Variants in PIAS4 observed in about 807,000 individuals in gnomAD.
PIAS4 encodes the protein E3 SUMO-protein ligase PIAS4.
PIAS4 carries 7 observed loss-of-function variants against 58.0 expected under a neutral mutation model. The ratio of observed to expected loss-of-function variants is 0.12; its 90% CI spans 0.07 to 0.23. The LOEUF is 0.23. PIAS4 is among the 10% of genes least tolerant of loss of function. The pLI is 1.00. For synonymous variants in PIAS4, 364 were observed against 312.4 expected (o/e 1.17, Z -1.74); for missense variants, 550 against 709.5 (o/e 0.78, Z 2.55).
chr19:4,035,085 G>A (rs1283799358), intron 9 of PIAS4, among the ~76,000 whole-genome samples: 2 of 152,184 alleles, frequency 1.3e-5, no homozygotes, highest in Non-Finnish European at 2.9e-5. Context: ...AGGGAAGTGG[G>A]CAGGCAGGGC....
intron 2 of PIAS4, among the ~76,000 whole-genome samples, chr19:4,020,260 T>C (rs2040095871): frequency 6.6e-6 from 1 of 152,194 alleles, no homozygotes. Flanking sequence ...GTGCTGGTAG[T>C]TGAGGTGCGA....
rs73918112 is a variant in PIAS4, at chr19:4,031,620, G to C, written c.908-1480G>C. 1.6e-3 allele frequency among the ~76,000 whole-genome samples: 249 copies of C among 152,222 alleles called. 1 individual carries two copies. Among genetic ancestry groups the C allele is most frequent in the African/African-American group, 5.8e-3 (240 of 41,560 alleles). On this transcript the variant is annotated intron_variant, in intron 7 of 10. Transcript: ENST00000262971. ...CCGGGCAGGCCTCTTCTAGGCCCAC[G>C]GGGTGGGGGCCGGGCTTAACTCCTC...
At chr19:4,032,494 C>T (rs1259315932) in intron 7 of PIAS4, among the ~76,000 whole-genome samples, 1 of 152,198 alleles carries the variant, frequency 6.6e-6, no homozygotes, top group African/African-American at 2.4e-5. Context: ...GCCTGCTGCC[C>T]GTCGAGGGGA....
intron 2 of PIAS4, among the ~76,000 whole-genome samples, chr19:4,019,249 G>A (rs992550524): frequency 1.3e-5 from 2 of 152,154 alleles, no homozygotes; most frequent in Non-Finnish European, 2.9e-5. Context: ...TAGGGGGGCC[G>A]GGTGTTTGGG....
intron 9 of PIAS4, among the ~76,000 whole-genome samples, chr19:4,034,493 G>T (rs1480531678): frequency 6.6e-6 from 1 of 152,232 alleles, no homozygotes; most frequent in African/African-American, 2.4e-5. Context: ...CCGGCTCACG[G>T]GGCCAGGCTG....
intron 9 of PIAS4, among the ~76,000 whole-genome samples, chr19:4,035,146 A>G (rs1483828349): frequency 6.6e-6 from 1 of 152,114 alleles, no homozygotes. Flanking sequence ...GCATCGCCTC[A>G]GAGAGAGCTC....
intron 1 of PIAS4, 152 bp from the exon 2 acceptor site, chr19:4,012,771 T>G (rs1272553269): frequency 3.8e-6 from 3 of 796,470 alleles, no homozygotes; most frequent in Non-Finnish European, 6.1e-6. Context: ...GGGGGCACCG[T>G]AGGGGCAGGG....
At chr19:4,029,135 C>T (rs1042688187) in intron 7 of PIAS4, 99 bp downstream of exon 7, 9 of 814,684 alleles carry the variant, frequency 1.1e-5, no homozygotes, top group East Asian at 2.7e-5. Flanking sequence ...CGGAGGAGAT[C>T]GATCAGGGGC....
At chr19:4,007,833 G>T in intron 1 of PIAS4, 46 bp downstream of exon 1, 3 of 1,197,490 alleles carry the variant, frequency 2.5e-6, no homozygotes, top group Non-Finnish European at 3.1e-6. Context: ...GGGCGAGAGG[G>T]CGGGGGCCGG....
rs1053205005 is a variant in PIAS4, at chr19:4,013,402, C to T, written c.454+53C>T. The T allele has an allele frequency of 3.9e-5, 59 of 1,502,376 alleles. No individual in the cohort carries two copies. The highest frequency in any genetic ancestry group is 2.3e-4 in the East Asian group (10 of 44,078). The allele number at this position is 1,502,376 out of a possible 1,614,324, so 93.1% of individuals were successfully genotyped here. A position where few individuals can be genotyped will look rare whatever the true frequency, so the allele number is the denominator to read the frequency against. On this transcript the variant is annotated intron_variant, in intron 2 of 10. Transcript: ENST00000262971. This position sits in a 1 kb window ranked among gnomAD's most constrained non-coding sequence, Gnocchi z 5.1. The stretch of plus-strand genomic sequence containing the variant: ...ACTGGAGGCTTCACCTAGGCCCCGT[C>T]GCCCAGCCCAGCCCAGCCACACAGC...
At chr19:4,028,699 G>A (rs748006746) in intron 5 of PIAS4, 21 bp from the exon 6 acceptor site, 1 of 1,604,724 alleles carries the variant, frequency 6.2e-7, no homozygotes, top group Non-Finnish European at 8.5e-7. Context: ...GCTCGAGGCT[G>A]AGCGGCCCAT....
At position 4,028,452 on chromosome 19, in the gene PIAS4, C is replaced by A; in HGVS notation, c.582-58C>A. 4 of 1,275,968 alleles carry A rather than the reference C, an allele frequency of 3.1e-6. No individual in the cohort carries two copies. In the South Asian group the frequency reaches 3.8e-5, roughly 12 times the overall value. The allele number at this position is 1,275,968 out of a possible 1,614,324, so 79.0% of individuals were successfully genotyped here. ...GGCTACCACTCGTGTACCCCCGCAG[C>A]AGCCTAGTCCCTCCTGTGCGCCCCC... On this transcript the variant is annotated intron_variant, in intron 4 of 10. Coordinates refer to ENST00000262971, the MANE Select transcript of PIAS4 (RefSeq NM_015897.4).
chr19:4,028,447 C>A, intron 4 of PIAS4, 63 bp from the exon 5 acceptor site: 1 of 1,237,750 alleles, frequency 8.1e-7, no homozygotes, highest in Non-Finnish European at 1.2e-6. Context: ...CGTGTACCCC[C>A]GCAGCAGCCT....
rs569162878 is a variant in PIAS4, at chr19:4,038,209, C to G, written c.*334C>G. On this transcript the variant is annotated 3_prime_UTR_variant, in exon 11 of 11. Transcript: ENST00000262971. This position sits in a 1 kb window ranked among gnomAD's most constrained non-coding sequence, Gnocchi z 4.1. ...GGCGGGAGGGACCAGGACGCCGCCC[C>G]GCGCCCTCCCCTCCGGATGCCCCGC... The G allele has an allele frequency of 3.6e-6, 1 of 278,590 alleles. No individual in the cohort carries two copies. The highest frequency in any genetic ancestry group is 6.7e-6 in the Non-Finnish European group (1 of 148,716). The allele number at this position is 278,590 out of a possible 1,614,324, so 17.3% of individuals were successfully genotyped here.
intron 9 of PIAS4, among the ~76,000 whole-genome samples, chr19:4,035,359 T>C (rs75248752): frequency 0.054 from 8,188 of 152,216 alleles, 730 homozygotes; most frequent in African/African-American, 0.19. Flanking sequence ...CCACTGCACC[T>C]TTCCCTTCCT....
chr19:4,031,910 G>T (rs553608842), intron 7 of PIAS4, among the ~76,000 whole-genome samples: 1 of 152,316 alleles, frequency 6.6e-6, no homozygotes, highest in East Asian at 1.9e-4. Flanking sequence ...AGGCTTGAGG[G>T]TCCACCCGGG....
Position 4,014,877 on chromosome 19 carries a change from G to C in PIAS4, c.454+1528G>C, listed in dbSNP as rs567692066. Among the ~76,000 whole-genome samples, 5 of 152,338 alleles carry C rather than the reference G, an allele frequency of 3.3e-5. No homozygotes were observed. The South Asian group carries it at 1.0e-3, about 32-fold the overall frequency. On this transcript the variant is annotated intron_variant, in intron 2 of 10. Coordinates refer to ENST00000262971, the MANE Select transcript of PIAS4 (RefSeq NM_015897.4). ...CTCCCATCTGCAGCCCTGGGACTTA[G>C]TGAGGTTAGGCTGGAGGGGCTGTGC...
At chr19:4,024,446 C>A (rs2040142456) in intron 3 of PIAS4, among the ~76,000 whole-genome samples, 1 of 152,246 alleles carries the variant, frequency 6.6e-6, no homozygotes, top group South Asian at 2.1e-4. Flanking sequence ...TCCACCCACG[C>A]CATGACAAGA....
chr19:4,016,921 C>T (rs1165551951), intron 2 of PIAS4, among the ~76,000 whole-genome samples: 2 of 152,116 alleles, frequency 1.3e-5, no homozygotes, highest in Non-Finnish European at 2.9e-5. Flanking sequence ...CTGCTTGCCC[C>T]GAGGGCTTCA....
Sources: gnomAD v4.1 joint callset for allele counts (sites outside exome capture counted in the v4.1 genomes callset) on GRCh38, gnomAD v4.1.1 for gene constraint, Gnocchi (gnomAD v3.1) non-coding constraint, MANE v1.5 for transcripts, NCBI Gene and HGNC (gene_info 2026-07-23, HGNC 2026-07-21) for gene names.